ZFP37: variants seen among roughly 807,000 people sequenced by gnomAD.
ZFP37 encodes zinc finger protein 37 homolog.
ZFP37 carries 38 observed loss-of-function variants against 52.1 expected under a neutral mutation model. The ratio of observed to expected loss-of-function variants is 0.73; its 90% CI spans 0.56 to 0.96. ZFP37 has a LOEUF of 0.96. ZFP37 is among the 40% of genes least tolerant of loss of function. ZFP37 has a pLI of 0.00. For missense variants in ZFP37, 695 were observed against 741.4 expected, an observed-to-expected ratio of 0.94 and a Z score of 0.73; for synonymous variants, 253 against 259.5, an observed-to-expected ratio of 0.98 and a Z score of 0.24.
At chr9:113,045,721 A>G (rs2118694846) in intron 3 of ZFP37, among the ~76,000 whole-genome samples, 1 of 152,356 alleles carries the variant, frequency 6.6e-6, no homozygotes, top group East Asian at 1.9e-4. Context: ...GTCCAATAAT[A>G]TTCTTTTGCC....
chr9:113,048,801 G>A (rs1455612613), intron 3 of ZFP37, among the ~76,000 whole-genome samples: 1 of 152,170 alleles, frequency 6.6e-6, no homozygotes, highest in East Asian at 1.9e-4. Context: ...ACTCAGGAGT[G>A]GCCAGATGGC....
chr9:113,048,079 T>A (rs1160037126), intron 3 of ZFP37, among the ~76,000 whole-genome samples: 1 of 152,188 alleles, frequency 6.6e-6, no homozygotes, highest in Non-Finnish European at 1.5e-5. Context: ...GAAGATAAGA[T>A]CTGATTCAAG....
In ZFP37 at chr9:113,044,131, A is replaced by G; in HGVS notation, c.487T>C (p.Leu163=). Reference sequence around the variant, plus strand: ...TTTGAAGGAACATGTTTTTTATGCAAATTATTTTTTTTCCCCAGTGAACCA... The same window carrying G: ...TTTGAAGGAACATGTTTTTTATGCAGATTATTTTTTTTCCCCAGTGAACCA... ...DCGSLGKKNN[L]HKKHVPSKKR... The change falls in exon 4 of 4, where the codon TTG becomes CTG. Residue 163 remains leucine, a synonymous_variant. Coordinates refer to ENST00000374227, the MANE Select transcript of ZFP37 (RefSeq NM_003408.3). The G allele has an allele frequency of 6.2e-7, 1 of 1,611,496 alleles. No individual in the cohort carries two copies. Among genetic ancestry groups the G allele is most frequent in the Non-Finnish European group, 8.5e-7 (1 of 1,179,420 alleles).
intron 3 of ZFP37, among the ~76,000 whole-genome samples, chr9:113,046,940 CT>C (rs2118699005): frequency 6.6e-6 from 1 of 152,180 alleles, no homozygotes; most frequent in South Asian, 2.1e-4. Context: ...AACCCCGTCT[CT>C]ACCAAAAACA....
chr9:113,049,873 CTTCTGGGT>C lies in ZFP37; in HGVS notation c.133-9_133-2del. ...GAGCAGGATCCAGTTGCTTCCATTC[CTTCTGGGT>C]AAAGGCCATAGTCACATGTTTGAAT... On this transcript the variant is annotated splice_acceptor_variant and splice_polypyrimidine_tract_variant and intron_variant, in intron 1 of 3. Coordinates refer to ENST00000374227, the MANE Select transcript of ZFP37 (RefSeq NM_003408.3). LOFTEE classifies it high-confidence loss of function. 1.2e-6 allele frequency: 2 copies of C among 1,614,048 alleles called. No homozygotes were observed.
intron 3 of ZFP37, among the ~76,000 whole-genome samples, chr9:113,045,023 G>C (rs1828926988): frequency 6.6e-6 from 1 of 151,982 alleles, no homozygotes. Context: ...CTTGCCCTTA[G>C]CTTGTAAGGG....
chr9:113,053,932 G>T (rs1023023603), intron 1 of ZFP37, among the ~76,000 whole-genome samples: 2 of 152,248 alleles, frequency 1.3e-5, no homozygotes, highest in Non-Finnish European at 2.9e-5. Flanking sequence ...GACACACAGA[G>T]TTGTCTTAAT....
chr9:113,051,182 G>A (rs551385633), intron 1 of ZFP37, among the ~76,000 whole-genome samples: 1 of 152,270 alleles, frequency 6.6e-6, no homozygotes, highest in South Asian at 2.1e-4. Flanking sequence ...TTAAATCTAA[G>A]TAACTTGATA....
rs1829081544 is a variant in ZFP37 at position 113,052,912 on chromosome 9, A to C, written c.133-3040T>G. Among the ~76,000 whole-genome samples, 1 of 152,062 alleles carries C rather than the reference A, an allele frequency of 6.6e-6. No homozygotes were observed. The highest frequency in any genetic ancestry group is 1.5e-5 in the Non-Finnish European group (1 of 68,012). ...ATAGCAGTTTTTCACTTCTATGTTA[A>C]CTCTGTTCTGCAGTCATCCCACCCA... On this transcript the variant is annotated intron_variant, in intron 1 of 3. Transcript: ENST00000374227. This position sits in a 1 kb window ranked among gnomAD's most constrained non-coding sequence, Gnocchi z 4.1.
intron 3 of ZFP37, among the ~76,000 whole-genome samples, chr9:113,047,335 G>C (rs948506014): frequency 6.6e-6 from 1 of 152,176 alleles, no homozygotes; most frequent in East Asian, 1.9e-4. Context: ...AATTCATACA[G>C]TCTTGGACAA....
chr9:113,054,981 T>C (rs1829116251), intron 1 of ZFP37, among the ~76,000 whole-genome samples: 1 of 152,216 alleles, frequency 6.6e-6, no homozygotes. Flanking sequence ...TTAAACTCAA[T>C]GGCTTCTCAC....
At chr9:113,044,371 C>A in intron 3 of ZFP37, 103 bp from the exon 4 acceptor site, 2 of 1,061,186 alleles carry the variant, frequency 1.9e-6, no homozygotes, top group Non-Finnish European at 2.6e-6. Flanking sequence ...AATTTTTATT[C>A]AAGCCTGGTA....
Position 113,052,518 on chromosome 9 carries a change from TAAAGTCC to T in ZFP37, c.133-2653_133-2647del, listed in dbSNP as rs1829075031. Among the ~76,000 whole-genome samples, 3 of 152,256 alleles carry T rather than the reference TAAAGTCC, an allele frequency of 2.0e-5. No homozygotes were observed. The South Asian group carries it at 6.2e-4, about 32-fold the overall frequency. ...ACAAAGTCAGTTAATCAGCATGAGG[TAAAGTCC>T]ACAGGACACCAGGCACCAGCATCCA... On this transcript the variant is annotated intron_variant, in intron 1 of 3. Transcript: ENST00000374227. This position sits in a 1 kb window ranked among gnomAD's most constrained non-coding sequence, Gnocchi z 4.1.
intron 1 of ZFP37, among the ~76,000 whole-genome samples, chr9:113,053,943 A>G (rs1468663634): frequency 6.6e-6 from 1 of 152,200 alleles, no homozygotes; most frequent in Admixed American, 6.5e-5. Context: ...TTGTCTTAAT[A>G]TCATTCATCT....
At position 113,042,832 on chromosome 9, in the gene ZFP37, T is replaced by C; in HGVS notation, c.1786A>G (p.Thr596Ala). The change falls in exon 4 of 4, where the codon ACT becomes GCT. Residue 596 changes from threonine (T) to alanine (A), a missense_variant. Transcript: ENST00000374227. ...TTACATTCATAGGGTTTTTCTCCAGTGTGGGATCGCTGATGTATAACAAGC... is the reference window on the plus strand; with the variant it reads ...TTACATTCATAGGGTTTTTCTCCAGCGTGGGATCGCTGATGTATAACAAGC... The part of the protein sequence containing the change: ...SQLVIHQRSH[T>A]GEKPYECNEC... The C allele has an allele frequency of 1.9e-6, 3 of 1,613,874 alleles. No individual in the cohort carries two copies. Among genetic ancestry groups the C allele is most frequent in the South Asian group, 1.1e-5 (1 of 91,042 alleles).
In ZFP37 at chr9:113,056,542, C is replaced by T. The variant is rs1256992268; in HGVS notation, c.132+15G>A. Reference sequence around the variant, plus strand: ...CTCTGACCGCCAAAACACCCTGTCTCATCACAGCTCTCACCGCGGCGCTGG... The same window carrying T: ...CTCTGACCGCCAAAACACCCTGTCTTATCACAGCTCTCACCGCGGCGCTGG... On this transcript the variant is annotated intron_variant, in intron 1 of 3. Transcript: ENST00000374227. The T allele has an allele frequency of 6.2e-7, 1 of 1,612,628 alleles. No individual in the cohort carries two copies. Among genetic ancestry groups the T allele is most frequent in the Non-Finnish European group, 8.5e-7 (1 of 1,179,558 alleles).
rs753023059 is a variant in ZFP37, at chr9:113,044,224, G to C, written c.394C>G (p.Gln132Glu). ...DDQLENIQKS[Q>E]NKLLREVAVK... The stretch of plus-strand genomic sequence containing the variant: ...GCAACTTCCCTGAGGAGTTTGTTTT[G>C]AGATTTCTGGATATTTTCAAGCTGG... The change falls in exon 4 of 4, where the codon CAA becomes GAA. Residue 132 changes from glutamine (Q) to glutamate (E), a missense_variant. Physicochemically the swap from Gln to Glu is conservative, Grantham distance 29. This residue lies in a region of ZFP37 where 369 missense variants were observed against 340.9 expected (regional missense o/e 1.08). Coordinates refer to ENST00000374227, the MANE Select transcript of ZFP37 (RefSeq NM_003408.3). The C allele has an allele frequency of 6.3e-7, 1 of 1,576,616 alleles. No individual in the cohort carries two copies. Among genetic ancestry groups the C allele is most frequent in the South Asian group, 1.2e-5 (1 of 84,078 alleles).
chr9:113,042,751 G>C lies in ZFP37; in HGVS notation c.1867C>G (p.His623Asp). Residue 623 changes from histidine (H) to aspartate (D), a missense_variant, in exon 4 of 4, where the codon CAT becomes GAT. By Grantham distance (81) the His-to-Asp change is moderately conservative. Around this residue, in one of 2 missense-constraint regions of ZFP37, gnomAD observed 326 missense variants for 400.5 expected, o/e 0.81. Coordinates refer to ENST00000374227, the MANE Select transcript of ZFP37 (RefSeq NM_003408.3). ...CACTCATGAGATTTATCTTCTGAAT[G>C]AGTTTTCACATGTTTGGTTAGGGAT... ...NASLTKHVKT[H>D]SEDKSHE 1 of 1,575,928 alleles carries C rather than the reference G, an allele frequency of 6.3e-7. No individual in the cohort carries two copies. Among genetic ancestry groups the C allele is most frequent in the Non-Finnish European group, 8.6e-7 (1 of 1,162,228 alleles).
intron 3 of ZFP37, among the ~76,000 whole-genome samples, chr9:113,047,865 A>C (rs1023996226): frequency 6.6e-6 from 1 of 152,254 alleles, no homozygotes; most frequent in Non-Finnish European, 1.5e-5. Flanking sequence ...CTGTTGTTTA[A>C]GTAGGTCAAA....
Sources: allele counts gnomAD v4.1 joint callset (sites outside exome capture counted in the v4.1 genomes callset), GRCh38; gene constraint gnomAD v4.1.1; regional missense constraint gnomAD v4.1.1; non-coding constraint Gnocchi (gnomAD v3.1); transcripts MANE v1.5; gene names NCBI Gene and HGNC (gene_info 2026-07-23, HGNC 2026-07-21).